HDAC9: variants seen among roughly 807,000 people sequenced by gnomAD.
HDAC9 encodes the protein histone deacetylase 9.
In HDAC9, 41 loss-of-function variants were observed where a neutral mutation model predicts 139.4. That is an observed-to-expected ratio of 0.29 (90% confidence interval 0.23 to 0.38). HDAC9 has a LOEUF of 0.38. Among genes scored for constraint, HDAC9 ranks in the 10% least tolerant of loss-of-function variants. The pLI is 1.00. For missense variants in HDAC9, 1,147 were observed against 1,297.0 expected (o/e 0.88, Z 1.78); for synonymous variants, 517 against 476.2 (o/e 1.09, Z -1.12).
chr7:18,413,638 C>A (rs1051668394), intron 1 of HDAC9, among the ~76,000 whole-genome samples: 3 of 152,060 alleles, frequency 2.0e-5, no homozygotes, highest in African/African-American at 7.2e-5. Flanking sequence ...TTACTTTATA[C>A]AATTTGCTTG....
intron 12 of HDAC9, among the ~76,000 whole-genome samples, chr7:18,705,879 T>A (rs6967030): frequency 0.35 from 40,224 of 114,220 alleles, 9,338 homozygotes; most frequent in African/African-American, 0.64. Flanking sequence ...TAAAATAAAA[T>A]AAAAGAAATG....
chr7:18,745,598 C>G (rs1420008946), intron 13 of HDAC9, among the ~76,000 whole-genome samples: 1 of 133,280 alleles, frequency 7.5e-6, no homozygotes, highest in Admixed American at 8.4e-5. Context: ...GGACTGCGGA[C>G]TGCAGTGGCG....
At chr7:18,885,415 A>T (rs1434103498) in intron 22 of HDAC9, among the ~76,000 whole-genome samples, 2 of 152,242 alleles carry the variant, frequency 1.3e-5, no homozygotes, top group African/African-American at 4.8e-5. Context: ...TTTTATGATT[A>T]AATGAGATAA....
chr7:18,468,925 G>C (rs1196435346), intron 1 of HDAC9, among the ~76,000 whole-genome samples: 1 of 152,134 alleles, frequency 6.6e-6, no homozygotes, highest in Non-Finnish European at 1.5e-5. Flanking sequence ...TCTCTGTATT[G>C]TCAGCCTTGA....
intron 1 of HDAC9, among the ~76,000 whole-genome samples, chr7:18,467,711 T>TATTAC (rs1794398397): frequency 6.6e-6 from 1 of 152,214 alleles, no homozygotes; most frequent in African/African-American, 2.4e-5. Context: ...CATATCACTA[T>TATTAC]ATTACGTTTA....
At chr7:18,182,790 T>C (rs1353025633) in intron 2 of HDAC9, among the ~76,000 whole-genome samples, 1 of 152,144 alleles carries the variant, frequency 6.6e-6, no homozygotes, top group African/African-American at 2.4e-5. Flanking sequence ...GGAGATTGGC[T>C]TGAGAATAAG....
chr7:18,938,928 C>T (rs747606285), intron 23 of HDAC9, among the ~76,000 whole-genome samples: 5 of 152,146 alleles, frequency 3.3e-5, no homozygotes, highest in Non-Finnish European at 5.9e-5. Flanking sequence ...AAAGACCAGG[C>T]TTGAGAAAGA....
intron 1 of HDAC9, among the ~76,000 whole-genome samples, chr7:18,379,815 A>T (rs1785279014): frequency 6.6e-6 from 1 of 152,190 alleles, no homozygotes; most frequent in South Asian, 2.1e-4. Flanking sequence ...TGACCCTCAC[A>T]TGTGATTCTT....
intron 11 of HDAC9, among the ~76,000 whole-genome samples, chr7:18,654,268 C>T (rs1385826422): frequency 6.6e-6 from 1 of 152,076 alleles, no homozygotes; most frequent in East Asian, 1.9e-4. Context: ...GGGCCATTTA[C>T]CCACTTTTGA....
chr7:18,161,102 A>T (rs1235469949), intron 1 of HDAC9, among the ~76,000 whole-genome samples: 1 of 152,252 alleles, frequency 6.6e-6, no homozygotes, highest in Non-Finnish European at 1.5e-5. Context: ...ATAAAAATGT[A>T]CATTTTAATT....
intron 2 of HDAC9, among the ~76,000 whole-genome samples, chr7:18,195,716 G>C (rs1289182960): frequency 6.6e-6 from 1 of 152,054 alleles, no homozygotes; most frequent in Non-Finnish European, 1.5e-5. Context: ...TTTGCTTCTG[G>C]AGTTCTGCAC....
At chr7:18,234,635 A>G (rs1415046810) in intron 2 of HDAC9, among the ~76,000 whole-genome samples, 2 of 152,228 alleles carry the variant, frequency 1.3e-5, no homozygotes, top group African/African-American at 2.4e-5. Context: ...GTGAGAAACC[A>G]AGTCTGTGTA....
chr7:18,517,181 G>A (rs1432200740), intron 2 of HDAC9, among the ~76,000 whole-genome samples: 1 of 152,162 alleles, frequency 6.6e-6, no homozygotes, highest in African/African-American at 2.4e-5. Context: ...TATTCAGAAA[G>A]GTTAAGCAGT....
chr7:18,885,461 A>G (rs1051184863), intron 22 of HDAC9, among the ~76,000 whole-genome samples: 1 of 152,138 alleles, frequency 6.6e-6, no homozygotes, highest in Non-Finnish European at 1.5e-5. Context: ...TTTTGTATTA[A>G]TATCATTTTT....
chr7:18,649,388 T>G (rs2129033803), intron 11 of HDAC9, among the ~76,000 whole-genome samples: 1 of 152,232 alleles, frequency 6.6e-6, no homozygotes, highest in South Asian at 2.1e-4. Flanking sequence ...TTTCCACTAC[T>G]TTTTGCTGTG....
intron 2 of HDAC9, among the ~76,000 whole-genome samples, chr7:18,547,482 T>G (rs1465637616): frequency 6.6e-6 from 1 of 152,166 alleles, no homozygotes; most frequent in African/African-American, 2.4e-5. Flanking sequence ...TGATCTGCCC[T>G]CCTCGGCCTC....
At chr7:18,342,005 G>A (rs1380224006) in intron 1 of HDAC9, among the ~76,000 whole-genome samples, 2 of 151,906 alleles carry the variant, frequency 1.3e-5, no homozygotes, top group Non-Finnish European at 2.9e-5. Flanking sequence ...AGTGTCCCGT[G>A]ATCAAAGAGG....
At chr7:18,311,821 G>T (rs1410365795) in intron 1 of HDAC9, among the ~76,000 whole-genome samples, 4 of 152,182 alleles carry the variant, frequency 2.6e-5, no homozygotes, top group African/African-American at 9.6e-5. Context: ...GCTGTAGACT[G>T]GCGTTAGAGC....
intron 6 of HDAC9, among the ~76,000 whole-genome samples, chr7:18,613,227 G>C (rs563975021): frequency 4.0e-5 from 6 of 151,654 alleles, no homozygotes; most frequent in Non-Finnish European, 8.8e-5. Flanking sequence ...CATTAGTTTT[G>C]TCATTTTTTT....
Sources: gnomAD v4.1 joint callset for allele counts (sites outside exome capture counted in the v4.1 genomes callset) on GRCh38, gnomAD v4.1.1 for gene constraint, MANE v1.5 for transcripts, NCBI Gene and HGNC (gene_info 2026-07-23, HGNC 2026-07-21) for gene names.